HDAC9: variants seen among roughly 807,000 people sequenced by gnomAD.
The protein encoded by HDAC9 is histone deacetylase 9, also known as MEF-2 interacting transcription repressor (MITR) protein.
A neutral mutation model predicts 139.4 loss-of-function variants in HDAC9; 41 were observed. That is an observed-to-expected ratio of 0.29 (90% confidence interval 0.23 to 0.38). The LOEUF (loss-of-function observed/expected upper bound fraction) is 0.38. HDAC9 is among the 10% of genes least tolerant of loss of function. The pLI is 1.00. For missense variants in HDAC9, 1,147 were observed against 1,297.0 expected (o/e 0.88, Z 1.78); for synonymous variants, 517 against 476.2 (o/e 1.09, Z -1.12).
chr7:18,471,889 G>A (rs1794753181), intron 1 of HDAC9, among the ~76,000 whole-genome samples: 1 of 151,998 alleles, frequency 6.6e-6, no homozygotes, highest in Non-Finnish European at 1.5e-5. Context: ...GTTTAGATAT[G>A]TTGATTTTGG....
At chr7:18,804,043 A>G (rs1793510097) in intron 17 of HDAC9, among the ~76,000 whole-genome samples, 2 of 152,226 alleles carry the variant, frequency 1.3e-5, no homozygotes, top group Admixed American at 1.3e-4. Context: ...CATATGATAC[A>G]AGTTCATGTG....
At chr7:18,261,777 A>T (rs914706428) in intron 2 of HDAC9, among the ~76,000 whole-genome samples, 1 of 152,212 alleles carries the variant, frequency 6.6e-6, no homozygotes, top group Non-Finnish European at 1.5e-5. Context: ...AGTAAAAGGC[A>T]TATTCCCTTT....
intron 2 of HDAC9, among the ~76,000 whole-genome samples, chr7:18,511,715 A>G (rs557538427): frequency 6.6e-6 from 1 of 152,350 alleles, no homozygotes; most frequent in African/African-American, 2.4e-5. Context: ...GCACTCAACC[A>G]ACAGGTAACA....
At chr7:18,583,156 A>G (rs978016498) in intron 2 of HDAC9, among the ~76,000 whole-genome samples, 2 of 152,090 alleles carry the variant, frequency 1.3e-5, no homozygotes, top group African/African-American at 4.8e-5. Flanking sequence ...GCTACTTACT[A>G]TTGATGGTTT....
At chr7:18,790,283 T>A (rs1792185512) in intron 16 of HDAC9, among the ~76,000 whole-genome samples, 1 of 152,074 alleles carries the variant, frequency 6.6e-6, no homozygotes, top group Non-Finnish European at 1.5e-5. Flanking sequence ...CTCAAATCGC[T>A]AATCTGATTA....
At chr7:18,726,588 A>G (rs995288290) in intron 12 of HDAC9, among the ~76,000 whole-genome samples, 19 of 152,122 alleles carry the variant, frequency 1.2e-4, no homozygotes, top group Admixed American at 2.6e-4. Context: ...TATTTTTCAC[A>G]TTCGTTAGGA....
chr7:18,958,861 G>A (rs959926489), intron 24 of HDAC9, among the ~76,000 whole-genome samples: 1 of 152,250 alleles, frequency 6.6e-6, no homozygotes, highest in South Asian at 2.1e-4. Context: ...AACCCACAAG[G>A]ATGAGTCATT....
rs370351160 is a variant in HDAC9, at chr7:18,688,267, C to A, written c.1731+21791C>A. ...AGCAAGAAATGATGGAGGAAAAATG[C>A]TGTTTTATAAAGCTCAGTCTGTTTA... On this transcript the variant is annotated intron_variant, in intron 12 of 25. Transcript: ENST00000686413. 2.3e-4 allele frequency among the ~76,000 whole-genome samples: 35 copies of A among 151,746 alleles called. 2 individuals carry two copies. The highest frequency in any genetic ancestry group is 8.4e-4 in the African/African-American group (35 of 41,500).
intron 1 of HDAC9, among the ~76,000 whole-genome samples, chr7:18,296,808 T>C (rs1336886697): frequency 6.6e-6 from 1 of 152,154 alleles, no homozygotes; most frequent in African/African-American, 2.4e-5. Context: ...TGTCTGCCTC[T>C]GTGGAGAAAG....
upstream of HDAC9, among the ~76,000 whole-genome samples, chr7:18,495,435 C>G (rs1045408265): frequency 1.3e-5 from 2 of 151,956 alleles, no homozygotes; most frequent in Non-Finnish European, 2.9e-5. Context: ...GCCTTCCTTT[C>G]TTTGGAAGCG....
intron 13 of HDAC9, among the ~76,000 whole-genome samples, chr7:18,741,566 G>C (rs970605710): frequency 2.0e-5 from 3 of 152,172 alleles, no homozygotes; most frequent in Non-Finnish European, 4.4e-5. Context: ...TGATGGACAT[G>C]TGCAATGAGA....
chr7:18,644,531 A>G (rs1201088544), intron 8 of HDAC9, 140 bp from the exon 9 acceptor site: 5 of 568,926 alleles, frequency 8.8e-6, no homozygotes, highest in African/African-American at 1.9e-5. Flanking sequence ...TGACATTATA[A>G]CTTTTGGATA....
At chr7:18,245,714 A>G (rs936676760) in intron 2 of HDAC9, among the ~76,000 whole-genome samples, 1 of 152,204 alleles carries the variant, frequency 6.6e-6, no homozygotes, top group Admixed American at 6.5e-5. Context: ...GAAGAATAAG[A>G]TTAAGTTAAA....
At chr7:18,898,119 T>G (rs1014377407) in intron 22 of HDAC9, among the ~76,000 whole-genome samples, 3 of 151,938 alleles carry the variant, frequency 2.0e-5, no homozygotes, top group African/African-American at 7.2e-5. Context: ...GTGGAATTAT[T>G]TCTTAATGAT....
intron 22 of HDAC9, among the ~76,000 whole-genome samples, chr7:18,888,744 C>T (rs1006740436): frequency 6.6e-6 from 1 of 152,058 alleles, no homozygotes; most frequent in Non-Finnish European, 1.5e-5. Context: ...GTGTAAAATA[C>T]ATATTTATTT....
intron 8 of HDAC9, among the ~76,000 whole-genome samples, chr7:18,638,489 C>T (rs995503380): frequency 2.6e-5 from 4 of 151,972 alleles, no homozygotes; most frequent in East Asian, 3.9e-4. Flanking sequence ...GCTCCAAAAC[C>T]GGCTACCTTG....
chr7:18,534,290 C>T (rs1355316804), intron 2 of HDAC9, among the ~76,000 whole-genome samples: 4 of 152,144 alleles, frequency 2.6e-5, no homozygotes, highest in Non-Finnish European at 5.9e-5. Flanking sequence ...CGTGATGGCT[C>T]ACAGCTGTAA....
chr7:18,919,823 T>A (rs938343566), intron 22 of HDAC9, among the ~76,000 whole-genome samples: 2 of 152,132 alleles, frequency 1.3e-5, no homozygotes, highest in African/African-American at 4.8e-5. Context: ...TAATAAAAGT[T>A]GTCAAAGGCT....
intron 1 of HDAC9, among the ~76,000 whole-genome samples, chr7:18,144,509 CTCTT>C (rs1010742084): frequency 9.2e-5 from 14 of 152,202 alleles, no homozygotes; most frequent in Non-Finnish European, 1.6e-4. Flanking sequence ...CTCCCTTTCT[CTCTT>C]ATTTGGAATT....
Sources: allele counts gnomAD v4.1 joint callset (sites outside exome capture counted in the v4.1 genomes callset), GRCh38; gene constraint gnomAD v4.1.1; transcripts MANE v1.5; gene names NCBI Gene and HGNC (gene_info 2026-07-23, HGNC 2026-07-21).